The following HPSE2 variants were observed in gnomAD, a reference collection of about 807,000 sequenced individuals.
HPSE2 encodes heparanase 2 (inactive).
HPSE2 carries 38 observed loss-of-function variants against 60.5 expected under a neutral mutation model. The ratio of observed to expected loss-of-function variants is 0.63; its 90% CI spans 0.48 to 0.82. The LOEUF is 0.82. Ranked by LOEUF, HPSE2 falls within the 40% of genes least tolerant of loss-of-function variation. The probability of loss-of-function intolerance (pLI) is 0.00; values close to 1 mark genes in which losing one functional copy is unlikely to be tolerated. For synonymous variants in HPSE2, 295 were observed against 293.2 expected (o/e 1.01, Z -0.06); for missense variants, 713 against 740.4 (o/e 0.96, Z 0.43).
At chr10:99,248,924 G>A in the HPSE2 span, among the ~76,000 whole-genome samples, 438 of 152,340 alleles carry the variant, frequency 2.9e-3, 3 homozygotes, top group Non-Finnish European at 5.1e-3. Context: ...TTTTCATGTG[G>A]TGTTAAGCCT....
chr10:98,815,707 A>T (rs947010772), intron 3 of HPSE2, among the ~76,000 whole-genome samples: 2 of 152,178 alleles, frequency 1.3e-5, no homozygotes, highest in Non-Finnish European at 2.9e-5. Flanking sequence ...TCTGTCTGCC[A>T]GTAAATATTT....
At chr10:98,548,598 C>G (rs1943765294) in intron 9 of HPSE2, among the ~76,000 whole-genome samples, 1 of 147,086 alleles carries the variant, frequency 6.8e-6, no homozygotes, top group Non-Finnish European at 1.5e-5. Context: ...GCCTGGGCAA[C>G]AGAGTGAGAC....
the HPSE2 span, among the ~76,000 whole-genome samples, chr10:99,297,399 G>A: frequency 1.3e-5 from 2 of 152,180 alleles, no homozygotes; most frequent in Non-Finnish European, 2.9e-5. Context: ...TGTTCCTTCT[G>A]CCCACACTCC....
chr10:98,618,441 G>A (rs564726394), intron 8 of HPSE2, among the ~76,000 whole-genome samples: 20 of 152,242 alleles, frequency 1.3e-4, no homozygotes, highest in South Asian at 2.1e-4. Flanking sequence ...CTGCAGCAGC[G>A]TCCTATAGTG....
At chr10:99,077,288 T>C (rs1181352733) in intron 3 of HPSE2, among the ~76,000 whole-genome samples, 1 of 152,202 alleles carries the variant, frequency 6.6e-6, no homozygotes, top group Non-Finnish European at 1.5e-5. Flanking sequence ...ATTACTTCTT[T>C]GAATAAGCTT....
intron 9 of HPSE2, among the ~76,000 whole-genome samples, chr10:98,582,442 GA>G (rs1285674008): frequency 1.3e-5 from 2 of 152,180 alleles, no homozygotes; most frequent in Admixed American, 6.5e-5. Context: ...AGGGGATGTT[GA>G]AAAATGATCC....
chr10:99,109,157 T>C (rs1028384009), intron 3 of HPSE2, among the ~76,000 whole-genome samples: 1 of 152,122 alleles, frequency 6.6e-6, no homozygotes, highest in African/African-American at 2.4e-5. Context: ...TGTTTTCCAA[T>C]TGGGCAAAAT....
At chr10:99,025,510 T>G (rs1957357837) in intron 3 of HPSE2, among the ~76,000 whole-genome samples, 1 of 152,078 alleles carries the variant, frequency 6.6e-6, no homozygotes, top group African/African-American at 2.4e-5. Flanking sequence ...CATGGAATAC[T>G]ACACAGCCAT....
At chr10:98,699,297 T>A (rs1266228768) in intron 5 of HPSE2, among the ~76,000 whole-genome samples, 3 of 151,532 alleles carry the variant, frequency 2.0e-5, no homozygotes, top group Non-Finnish European at 4.4e-5. Flanking sequence ...TCCACCATAA[T>A]CAAGTGGGCT....
chr10:98,940,618 G>A (rs1277577322), intron 3 of HPSE2, among the ~76,000 whole-genome samples: 1 of 138,196 alleles, frequency 7.2e-6, no homozygotes, highest in Non-Finnish European at 1.5e-5. Flanking sequence ...AAGAGTCCAG[G>A]ACCAGATGGA....
intron 7 of HPSE2, among the ~76,000 whole-genome samples, chr10:98,631,203 A>T (rs1371651371): frequency 6.6e-6 from 1 of 152,214 alleles, no homozygotes; most frequent in African/African-American, 2.4e-5. Context: ...AGGATTTAAA[A>T]TTCCATTCTC....
At chr10:98,921,010 T>C (rs763449828) in intron 3 of HPSE2, among the ~76,000 whole-genome samples, 6 of 152,164 alleles carry the variant, frequency 3.9e-5, no homozygotes, top group African/African-American at 7.2e-5. Flanking sequence ...TCTGACATCA[T>C]AGTTAAGTGT....
At chr10:98,853,535 C>T (rs545788360) in intron 3 of HPSE2, among the ~76,000 whole-genome samples, 69 of 152,088 alleles carry the variant, frequency 4.5e-4, no homozygotes, top group African/African-American at 1.6e-3. Context: ...CTTTTCATCT[C>T]GTCCCTTTTC....
At chr10:99,062,952 T>C (rs1000235578) in intron 3 of HPSE2, among the ~76,000 whole-genome samples, 2 of 152,200 alleles carry the variant, frequency 1.3e-5, no homozygotes, top group Admixed American at 1.3e-4. Flanking sequence ...AGGATAGTAC[T>C]AAAGCCTTCT....
intron 4 of HPSE2, among the ~76,000 whole-genome samples, chr10:98,726,876 G>A (rs1159707258): frequency 6.6e-6 from 1 of 152,012 alleles, no homozygotes; most frequent in Non-Finnish European, 1.5e-5. Context: ...CAGAAGCCAT[G>A]ACTGAGAGTA....
intron 3 of HPSE2, among the ~76,000 whole-genome samples, chr10:98,995,619 A>C (rs1342829456): frequency 6.6e-6 from 1 of 152,172 alleles, no homozygotes; most frequent in Admixed American, 6.5e-5. Context: ...TAAATATTCT[A>C]TTCACTTCTA....
At chr10:99,022,983 C>T (rs576659182) in intron 3 of HPSE2, among the ~76,000 whole-genome samples, 5 of 152,112 alleles carry the variant, frequency 3.3e-5, no homozygotes, top group East Asian at 1.9e-4. Context: ...AAAGTAAAGG[C>T]GGCTTTGTCT....
At chr10:99,246,542 A>T in the HPSE2 span, among the ~76,000 whole-genome samples, 1 of 152,154 alleles carries the variant, frequency 6.6e-6, no homozygotes, top group South Asian at 2.1e-4. Context: ...AGGTCAGGAG[A>T]TCGAGACCAT....
intron 3 of HPSE2, among the ~76,000 whole-genome samples, chr10:98,872,686 A>T (rs960706755): frequency 2.0e-5 from 3 of 152,154 alleles, no homozygotes; most frequent in Non-Finnish European, 4.4e-5. Flanking sequence ...TGATAATTTC[A>T]ATTCACCTCT....
Sources: allele counts gnomAD v4.1 joint callset (sites outside exome capture counted in the v4.1 genomes callset), GRCh38; gene constraint gnomAD v4.1.1; transcripts MANE v1.5; gene names NCBI Gene and HGNC (gene_info 2026-07-23, HGNC 2026-07-21).